Variants in FBXO40 observed in about 807,000 individuals in gnomAD.
FBXO40 encodes F-box protein 40, also known as F-box only protein 40.
In FBXO40, 50 loss-of-function variants were observed where a neutral mutation model predicts 49.9. That is an observed-to-expected ratio of 1.00 (90% CI 0.80 to 1.27). The LOEUF (loss-of-function observed/expected upper bound fraction) is 1.27. Ranked by LOEUF, FBXO40 falls within the 50% of genes most tolerant of loss-of-function variation. The pLI is 0.00. For synonymous variants in FBXO40, 340 were observed against 320.2 expected, an observed-to-expected ratio of 1.06 and a Z score of -0.66; for missense variants, 895 against 870.1, an observed-to-expected ratio of 1.03 and a Z score of -0.36.
chr3:121,602,452 CTTTCTTCCTGG>C (rs2048905423), intron 1 of FBXO40, among the ~76,000 whole-genome samples: 1 of 152,220 alleles, frequency 6.6e-6, no homozygotes, highest in Non-Finnish European at 1.5e-5. Flanking sequence ...AGCCAACATT[CTTTCTTCCTGG>C]TTCGAAATCT....
intron 3 of FBXO40, among the ~76,000 whole-genome samples, 179 bp from the exon 4 acceptor site, chr3:121,626,516 A>C (rs191603405): frequency 4.6e-5 from 7 of 152,264 alleles, no homozygotes; most frequent in Admixed American, 4.6e-4. Context: ...ATTGGTTGGC[A>C]GGGGGAACTA....
At position 121,623,321 on chromosome 3, in the gene FBXO40, C is replaced by T. The variant is rs147922715; in HGVS notation, c.1892C>T (p.Thr631Ile). 2.7e-4 allele frequency: 436 copies of T among 1,613,978 alleles called. 1 individual carries two copies. In the South Asian group the frequency reaches 4.5e-3, roughly 17 times the overall value. Residue 631 changes from threonine (T) to isoleucine (I), a missense_variant, in exon 3 of 4, where the codon ACC becomes ATC. Coordinates refer to ENST00000338040, the MANE Select transcript of FBXO40 (RefSeq NM_016298.4). ...WKKKRYSHGG[T>I]SWRVHREIWQ... ...AAAAAGAGGTATTCCCATGGAGGCA[C>T]CTCCTGGAGAGTCCACAGAGAGGTA... is the stretch of plus-strand genomic sequence containing the variant.
intron 1 of FBXO40, among the ~76,000 whole-genome samples, chr3:121,607,783 TG>T: frequency 6.6e-6 from 1 of 152,000 alleles, no homozygotes; most frequent in Non-Finnish European, 1.5e-5. Flanking sequence ...TAACTAGAGG[TG>T]GGGGCAATGG....
At position 121,622,510 on chromosome 3, in the gene FBXO40, G is replaced by C. The variant is rs2049038771; in HGVS notation, c.1081G>C (p.Ala361Pro). The stretch of plus-strand genomic sequence containing the variant: ...TCCTGTGAGCTACTGTGGAAAGCGA[G>C]CTCGACTTGGAGATGCCATGTTGAG... ...KVPVSYCGKR[A>P]RLGDAMLSCK... is the part of the protein sequence containing the mutation. The change falls in exon 3 of 4, where the codon GCT (alanine) becomes CCT (proline). Residue 361 changes from alanine to proline, a missense_variant. Transcript: ENST00000338040. 6.2e-7 allele frequency: 1 copy of C among 1,614,092 alleles called. No individual in the cohort carries two copies. The highest frequency in any genetic ancestry group is 1.3e-5 in the African/African-American group (1 of 74,926).
chr3:121,621,159 C>T (rs2049027345), intron 2 of FBXO40, among the ~76,000 whole-genome samples: 1 of 152,230 alleles, frequency 6.6e-6, no homozygotes, highest in African/African-American at 2.4e-5. Context: ...TCAAAAATAA[C>T]AATTGTCAAC....
intron 1 of FBXO40, among the ~76,000 whole-genome samples, chr3:121,606,720 G>T (rs377555619): frequency 6.6e-6 from 1 of 152,182 alleles, no homozygotes; most frequent in Admixed American, 6.5e-5. Context: ...GCTCAAACCT[G>T]CAGTAAAGCT....
rs748646171 is a variant in FBXO40, at chr3:121,622,582, AT to A, written c.1154del (p.Ile385ThrfsTer63). Reference sequence around the variant, plus strand: ...GGCAGTGGATACTTCAGATTTGGGGATCACTGTGGAGGACCTGCCCAAATCA... The same window carrying A: ...GGCAGTGGATACTTCAGATTTGGGGACACTGTGGAGGACCTGCCCAAATCA... The part of the protein sequence containing the change: ...HKAVDTSDLG[I>X]TVEDLPKSDL... On this transcript the variant is annotated frameshift_variant, in exon 3 of 4. Coordinates refer to ENST00000338040, the MANE Select transcript of FBXO40 (RefSeq NM_016298.4). LOFTEE classifies it high-confidence loss of function. 2 of 1,614,210 alleles carry A rather than the reference AT, an allele frequency of 1.2e-6. No homozygotes were observed. The highest frequency in any genetic ancestry group is 4.5e-5 in the East Asian group (2 of 44,880).
chr3:121,608,867 T>G (rs1363336939), intron 1 of FBXO40, among the ~76,000 whole-genome samples: 1 of 152,218 alleles, frequency 6.6e-6, no homozygotes, highest in Non-Finnish European at 1.5e-5. Context: ...TACCTTGCTT[T>G]TTGGCCACAT....
chr3:121,612,207 ACATGTACC>A (rs2048969844), intron 1 of FBXO40, among the ~76,000 whole-genome samples: 1 of 152,208 alleles, frequency 6.6e-6, no homozygotes, highest in Non-Finnish European at 1.5e-5. Context: ...AGAAAAGGGT[ACATGTACC>A]CATAGAGTGC....
chr3:121,602,607 G>A (rs904365004), intron 1 of FBXO40, among the ~76,000 whole-genome samples: 4 of 151,912 alleles, frequency 2.6e-5, no homozygotes, highest in African/African-American at 9.7e-5. Flanking sequence ...AGCTTCCATC[G>A]CATTCTCTAC....
chr3:121,626,264 G>T (rs576596867), intron 3 of FBXO40, among the ~76,000 whole-genome samples: 2 of 151,918 alleles, frequency 1.3e-5, no homozygotes, highest in South Asian at 2.1e-4. Context: ...TCTGGTGATT[G>T]CTGGCACCTC....
intron 1 of FBXO40, among the ~76,000 whole-genome samples, chr3:121,599,674 GCA>G (rs757324448): frequency 0.12 from 12,190 of 98,940 alleles, 867 homozygotes; most frequent in South Asian, 0.23. Context: ...ACACACACAT[GCA>G]CACACACACA....
chr3:121,621,194 T>C (rs1280608415), intron 2 of FBXO40, among the ~76,000 whole-genome samples: 1 of 152,194 alleles, frequency 6.6e-6, no homozygotes, highest in Non-Finnish European at 1.5e-5. Flanking sequence ...TATTCAATTC[T>C]TTTTTTCCTA....
chr3:121,617,216 T>C (rs1043246875), intron 1 of FBXO40, among the ~76,000 whole-genome samples: 1 of 152,156 alleles, frequency 6.6e-6, no homozygotes, highest in African/African-American at 2.4e-5. Context: ...GACCTAAATA[T>C]CCTGACTTGA....
In FBXO40 at chr3:121,623,269, A is replaced by G; in HGVS notation, c.1840A>G (p.Arg614Gly). 6.2e-7 allele frequency: 1 copy of G among 1,614,214 alleles called. No homozygotes were observed. The highest frequency in any genetic ancestry group is 8.5e-7 in the Non-Finnish European group (1 of 1,180,040). The change falls in exon 3 of 4, where the codon AGA becomes GGA. Residue 614 changes from arginine to glycine, a missense_variant. Physicochemically the swap from Arg to Gly is moderately radical, Grantham distance 125. Coordinates refer to ENST00000338040, the MANE Select transcript of FBXO40 (RefSeq NM_016298.4). Reference sequence around the variant, plus strand: ...TATCTGTGCCACTTTGTTACAAGAGAGAGGAATGGTCCTTTTGCAATGGAA... The same window carrying G: ...TATCTGTGCCACTTTGTTACAAGAGGGAGGAATGGTCCTTTTGCAATGGAA... The part of the protein sequence containing the change: ...RNICATLLQE[R>G]GMVLLQWKKK...
chr3:121,603,144 A>G (rs961208165), intron 1 of FBXO40, among the ~76,000 whole-genome samples: 1 of 152,160 alleles, frequency 6.6e-6, no homozygotes, highest in Non-Finnish European at 1.5e-5. Context: ...CACTAATTCT[A>G]TTCATGAGGG....
intron 3 of FBXO40, among the ~76,000 whole-genome samples, chr3:121,624,879 T>TA (rs201554792): frequency 4.0e-4 from 60 of 151,628 alleles, no homozygotes; most frequent in East Asian, 9.7e-4. Context: ...ATCATTCCTT[T>TA]AAAAAAAAAT....
At chr3:121,624,124 G>A (rs946692123) in intron 3 of FBXO40, among the ~76,000 whole-genome samples, 4 of 150,196 alleles carry the variant, frequency 2.7e-5, no homozygotes, top group Non-Finnish European at 4.4e-5. Flanking sequence ...CCGAGTAGCT[G>A]GGATTACAGA....
intron 1 of FBXO40, among the ~76,000 whole-genome samples, chr3:121,615,246 C>T (rs1425430389): frequency 6.9e-6 from 1 of 144,398 alleles, no homozygotes; most frequent in African/African-American, 2.6e-5. Context: ...GGAAACTACT[C>T]TGTTACAGAC....
Sources: allele counts gnomAD v4.1 joint callset (sites outside exome capture counted in the v4.1 genomes callset), GRCh38; gene constraint gnomAD v4.1.1; transcripts MANE v1.5; gene names NCBI Gene and HGNC (gene_info 2026-07-23, HGNC 2026-07-21).